The following ANKRD28 variants were observed in gnomAD, a reference collection of about 807,000 sequenced individuals.
ANKRD28 encodes serine/threonine-protein phosphatase 6 regulatory ankyrin repeat subunit A.
Under a neutral mutation model 126.5 loss-of-function variants are expected in ANKRD28, and 44 were observed. That is an observed-to-expected ratio of 0.35 (90% CI 0.27 to 0.45). The LOEUF (loss-of-function observed/expected upper bound fraction) is 0.45. Among genes scored for constraint, ANKRD28 ranks in the 20% least tolerant of loss-of-function variants. The pLI is 1.00. For synonymous variants in ANKRD28, 442 were observed against 468.5 expected (o/e 0.94, Z 0.73); for missense variants, 1,110 against 1,316.6 (o/e 0.84, Z 2.43).
At position 15,686,005 on chromosome 3, in the gene ANKRD28, T is replaced by C. The variant is rs745699657; in HGVS notation, c.2166A>G (p.Arg722=). 1.9e-6 allele frequency: 3 copies of C among 1,612,494 alleles called. No homozygotes were observed. The highest frequency in any genetic ancestry group is 2.5e-6 in the Non-Finnish European group (3 of 1,179,162). ...KDKWGRTALH[R]GAVTGHEECV... is the part of the protein sequence containing the mutation. ...GAAAGAGCATATTTCTGCTTACCCC[T>C]CTATGCAACGCTGTCCTTCCCCACT... The change falls in exon 20 of 28, where the codon AGA becomes AGG. Residue 722 remains arginine (R), a synonymous_variant. Transcript: ENST00000683139.
At chr3:15,722,252 A>G (rs1288315376) in intron 7 of ANKRD28, among the ~76,000 whole-genome samples, 1 of 152,206 alleles carries the variant, frequency 6.6e-6, no homozygotes, top group Non-Finnish European at 1.5e-5. Context: ...AATCAACCAC[A>G]TGGACAACCA....
intron 6 of ANKRD28, among the ~76,000 whole-genome samples, chr3:15,729,690 A>T (rs912756764): frequency 2.0e-5 from 3 of 152,072 alleles, no homozygotes; most frequent in Admixed American, 1.3e-4. Context: ...AAACAGAGGC[A>T]CCCCTCCCTC....
intron 3 of ANKRD28, among the ~76,000 whole-genome samples, chr3:15,756,965 C>G (rs967012958): frequency 1.3e-5 from 2 of 152,160 alleles, no homozygotes; most frequent in African/African-American, 4.8e-5. Context: ...CTGGTTCAAA[C>G]TGCATGAGTC....
At chr3:15,745,381 T>G (rs187801632) in intron 4 of ANKRD28, among the ~76,000 whole-genome samples, 343 of 152,324 alleles carry the variant, frequency 2.3e-3, no homozygotes, top group African/African-American at 7.9e-3. Context: ...CACCTTGAGT[T>G]GATTTTTGTA....
intron 3 of ANKRD28, among the ~76,000 whole-genome samples, chr3:15,758,700 C>T (rs1274584707): frequency 6.6e-6 from 1 of 152,190 alleles, no homozygotes; most frequent in Admixed American, 6.5e-5. Flanking sequence ...ACCTTGATCT[C>T]AGACTTACAG....
chr3:15,859,268 C>T, intron 1 of ANKRD28: 1 of 1,457,172 alleles, frequency 6.9e-7, no homozygotes, highest in East Asian at 3.0e-5. Context: ...CCCCCGTTTC[C>T]CTCGCAACCA....
intron 21 of ANKRD28, among the ~76,000 whole-genome samples, chr3:15,681,880 C>T (rs1456771847): frequency 1.3e-5 from 2 of 152,128 alleles, no homozygotes; most frequent in African/African-American, 2.4e-5. Flanking sequence ...TTGCAATGCA[C>T]TGGAGAGTCC....
intron 1 of ANKRD28, among the ~76,000 whole-genome samples, chr3:15,850,258 G>GAAAGAGAGAA (rs1553650158): frequency 7.9e-6 from 1 of 126,868 alleles, no homozygotes; most frequent in Admixed American, 8.0e-5. Context: ...GAGAGAGAGA[G>GAAAGAGAGAA]AGAGAAAGTT....
At chr3:15,692,150 A>AT (rs1397718933) in intron 17 of ANKRD28, among the ~76,000 whole-genome samples, 1 of 151,026 alleles carries the variant, frequency 6.6e-6, no homozygotes, top group Non-Finnish European at 1.5e-5. Flanking sequence ...TAAATAAAAA[A>AT]AAAAAAAAAA....
chr3:15,712,329 A>G, intron 10 of ANKRD28, 107 bp from the exon 11 acceptor site: 1 of 865,872 alleles, frequency 1.2e-6, no homozygotes, highest in Non-Finnish European at 1.8e-6. Context: ...CTAAGAGCCA[A>G]AATGTCTAAC....
At chr3:15,748,607 C>T (rs1398686986) in intron 4 of ANKRD28, among the ~76,000 whole-genome samples, 4 of 152,262 alleles carry the variant, frequency 2.6e-5, no homozygotes, top group African/African-American at 9.6e-5. Flanking sequence ...GATGCTTTTG[C>T]CTCACAGCTC....
In ANKRD28 at chr3:15,854,952, G is replaced by C. The variant is rs1284218091; in HGVS notation, c.27+4425C>G. 6.6e-6 allele frequency among the ~76,000 whole-genome samples: 1 copy of C among 152,194 alleles called. No homozygotes were observed. The highest frequency in any genetic ancestry group is 1.5e-5 in the Non-Finnish European group (1 of 68,036). ...TAGTCCCAGCTACTAGGGAGGCTGA[G>C]GCAGGAGAATTGCTTGAACTAGGGA... On this transcript the variant is annotated intron_variant, in intron 1 of 27. Transcript: ENST00000399451. This position sits in a 1 kb window ranked among gnomAD's most constrained non-coding sequence, Gnocchi z 4.1.
In ANKRD28 at chr3:15,751,762, T is replaced by C. The variant is rs1411815491; in HGVS notation, c.339A>G (p.Ala113=). The C allele has an allele frequency of 1.3e-6, 2 of 1,585,628 alleles. No individual in the cohort carries two copies. The highest frequency in any genetic ancestry group is 2.3e-5 in the East Asian group (1 of 43,638). ...AGAAATTTCATACCTCACTACAAGA[T>C]GCAACTGCTCTGTGTAAAGGTGTCA... ...KWLTPLHRAV[A]SCSEEAVQVL... The change falls in exon 4 of 28, where the codon GCA becomes GCG. Residue 113 remains alanine (A), a synonymous_variant. Transcript: ENST00000683139.
chr3:15,718,041 G>A (rs896225281), intron 8 of ANKRD28, among the ~76,000 whole-genome samples: 2 of 152,116 alleles, frequency 1.3e-5, no homozygotes, highest in African/African-American at 2.4e-5. Flanking sequence ...AAGGGCAAGT[G>A]TAAAGTGTCC....
At chr3:15,773,031 G>A (rs2059093699) in intron 2 of ANKRD28, among the ~76,000 whole-genome samples, 1 of 151,684 alleles carries the variant, frequency 6.6e-6, no homozygotes, top group Non-Finnish European at 1.5e-5. Context: ...GTACTTGTCA[G>A]TAAAATAAGG....
At chr3:15,841,319 G>A (rs7620787) in intron 1 of ANKRD28, among the ~76,000 whole-genome samples, 70,780 of 152,042 alleles carry the variant, frequency 0.47, 19,443 homozygotes, top group Non-Finnish European at 0.6. Flanking sequence ...ACAAGCACAG[G>A]CAATCAAAGC....
rs532478030 is a variant in ANKRD28 at position 15,667,744 on chromosome 3, A to G, written c.*2526T>C. The stretch of plus-strand genomic sequence containing the variant: ...CTCTCACAGATGGATTACAAAAGTA[A>G]TGAAATAGTTTTCTTAGTGGGGTGG... On this transcript the variant is annotated 3_prime_UTR_variant, in exon 28 of 28. Transcript: ENST00000683139. The G allele has an allele frequency of 6.6e-6, 1 of 152,360 alleles. No individual in the cohort carries two copies. The highest frequency in any genetic ancestry group is 2.4e-5 in the African/African-American group (1 of 41,588). 9.4% of individuals were successfully genotyped at this position (152,360 alleles called of 1,614,324 possible). A position where few individuals can be genotyped will look rare whatever the true frequency, so the allele number is the denominator to read the frequency against.
chr3:15,795,597 CAAAA>C (rs1333531221), intron 1 of ANKRD28, among the ~76,000 whole-genome samples: 1 of 151,894 alleles, frequency 6.6e-6, no homozygotes, highest in Non-Finnish European at 1.5e-5. Flanking sequence ...CTGTATATGA[CAAAA>C]AGAAAGACTC....
At position 15,853,590 on chromosome 3, in the gene ANKRD28, C is replaced by T. The variant is rs1160888799; in HGVS notation, c.27+5787G>A. Among the ~76,000 whole-genome samples the T allele has an allele frequency of 3.9e-5, 6 of 152,106 alleles. No individual in the cohort carries two copies. Among genetic ancestry groups the T allele is most frequent in the African/African-American group, 1.4e-4 (6 of 41,412 alleles). On this transcript the variant is annotated intron_variant, in intron 1 of 27. Coordinates refer to the ANKRD28 transcript ENST00000399451. The surrounding 1 kb of genome is among the most constrained non-coding windows in gnomAD (Gnocchi z 4.2). The stretch of plus-strand genomic sequence containing the variant: ...GTTCATGCCATTCTCCTGCCTCAGC[C>T]TCTCGAGTAGCTGGGACTACAGGCG...
Sources: allele counts gnomAD v4.1 joint callset (sites outside exome capture counted in the v4.1 genomes callset), GRCh38; gene constraint gnomAD v4.1.1; non-coding constraint Gnocchi (gnomAD v3.1); transcripts MANE v1.5; gene names NCBI Gene and HGNC (gene_info 2026-07-23, HGNC 2026-07-21).